GRID2: variants seen among roughly 807,000 people sequenced by gnomAD.
GRID2 encodes the protein glutamate ionotropic receptor delta type subunit 2.
A neutral mutation model predicts 114.8 loss-of-function variants in GRID2; 33 were observed. The ratio of observed to expected loss-of-function variants is 0.29; its 90% CI spans 0.22 to 0.38. The LOEUF (loss-of-function observed/expected upper bound fraction) is 0.38. Among genes scored for constraint, GRID2 ranks in the 10% least tolerant of loss-of-function variants. The pLI, the probability that GRID2 is intolerant of heterozygous loss-of-function variation, is 1.00. For missense variants in GRID2, 1,184 were observed against 1,257.7 expected, an observed-to-expected ratio of 0.94 and a Z score of 0.89; for synonymous variants, 505 against 449.9, an observed-to-expected ratio of 1.12 and a Z score of -1.55.
chr4:93,304,471 T>C (rs918315787), intron 8 of GRID2, among the ~76,000 whole-genome samples: 1 of 151,762 alleles, frequency 6.6e-6, no homozygotes, highest in African/African-American at 2.4e-5. Flanking sequence ...TTTGGGAAAA[T>C]TGAGATTGGT....
chr4:92,577,975 A>T (rs1303303040), intron 1 of GRID2, among the ~76,000 whole-genome samples: 2 of 151,928 alleles, frequency 1.3e-5, no homozygotes, highest in Non-Finnish European at 2.9e-5. Flanking sequence ...ACATAAATTA[A>T]ATGGTGTTTT....
intron 2 of GRID2, among the ~76,000 whole-genome samples, chr4:92,760,260 AAG>A (rs1232134993): frequency 1.3e-5 from 2 of 150,920 alleles, no homozygotes; most frequent in Non-Finnish European, 3.0e-5. Flanking sequence ...AAAAAAAAAA[AAG>A]AAAAGAAATA....
At chr4:92,990,332 AT>A (rs1217242270) in intron 2 of GRID2, among the ~76,000 whole-genome samples, 3 of 122,712 alleles carry the variant, frequency 2.4e-5, no homozygotes, top group African/African-American at 3.1e-5. Flanking sequence ...TGTGTGTATA[AT>A]TTTTTTTGAG....
chr4:93,648,226 T>A (rs566048573), intron 14 of GRID2, among the ~76,000 whole-genome samples: 1 of 152,224 alleles, frequency 6.6e-6, no homozygotes, highest in South Asian at 2.1e-4. Flanking sequence ...TGTAATGACA[T>A]CAAGAAGTCT....
chr4:93,555,499 C>T (rs1345873624), intron 13 of GRID2, among the ~76,000 whole-genome samples: 4 of 152,150 alleles, frequency 2.6e-5, no homozygotes, highest in East Asian at 1.9e-4. Flanking sequence ...CCTGGAAGTT[C>T]GAACTGGGCG....
chr4:93,334,523 A>G (rs772845678), intron 8 of GRID2, among the ~76,000 whole-genome samples: 6 of 152,224 alleles, frequency 3.9e-5, no homozygotes, highest in Non-Finnish European at 5.9e-5. Context: ...CCCTTTACCC[A>G]TATAAACATT....
chr4:92,935,581 C>T (rs1414817236), intron 2 of GRID2, among the ~76,000 whole-genome samples: 1 of 146,822 alleles, frequency 6.8e-6, no homozygotes, highest in Non-Finnish European at 1.5e-5. Context: ...AAAACACACA[C>T]ACACGTATGT....
intron 2 of GRID2, among the ~76,000 whole-genome samples, chr4:92,691,476 T>A (rs868574205): frequency 3.9e-4 from 60 of 152,206 alleles, no homozygotes; most frequent in African/African-American, 1.4e-3. Flanking sequence ...TGGGATGGAA[T>A]CTGAAGGGAG....
At chr4:93,044,996 C>G (rs1315593523) in intron 2 of GRID2, among the ~76,000 whole-genome samples, 2 of 152,012 alleles carry the variant, frequency 1.3e-5, no homozygotes, top group Non-Finnish European at 1.5e-5. Flanking sequence ...AGTGCACTCC[C>G]TTATAGTTAT....
At chr4:93,685,632 A>G (rs1158025327) in intron 14 of GRID2, among the ~76,000 whole-genome samples, 1 of 152,010 alleles carries the variant, frequency 6.6e-6, no homozygotes, top group Non-Finnish European at 1.5e-5. Context: ...TAGCAGTCCA[A>G]ACTCTGCCTG....
chr4:93,337,538 G>A (rs867531361), intron 8 of GRID2, among the ~76,000 whole-genome samples: 6 of 152,120 alleles, frequency 3.9e-5, no homozygotes, highest in East Asian at 1.9e-4. Flanking sequence ...TCTTTGCTTC[G>A]AAGGGAGACA....
chr4:93,188,895 T>TACTCCTGGCC, intron 4 of GRID2, among the ~76,000 whole-genome samples: 1 of 152,146 alleles, frequency 6.6e-6, no homozygotes, highest in Non-Finnish European at 1.5e-5. Context: ...ATGACATGTT[T>TACTCCTGGCC]CTCATTTCTA....
intron 1 of GRID2, among the ~76,000 whole-genome samples, chr4:92,357,479 A>C (rs1284236049): frequency 6.6e-6 from 1 of 151,696 alleles, no homozygotes; most frequent in East Asian, 1.9e-4. Flanking sequence ...AAGTACTTTC[A>C]CTCTGTTGGT....
intron 1 of GRID2, among the ~76,000 whole-genome samples, chr4:92,305,053 A>G (rs1725304985): frequency 6.6e-6 from 1 of 152,086 alleles, no homozygotes; most frequent in South Asian, 2.1e-4. Context: ...TGTGTGGGGA[A>G]AGGGAGTTTA....
intron 2 of GRID2, among the ~76,000 whole-genome samples, chr4:93,005,682 C>T (rs989014686): frequency 2.0e-5 from 3 of 151,944 alleles, no homozygotes; most frequent in African/African-American, 7.2e-5. Flanking sequence ...ATTAAAAAGT[C>T]ATAGTATATA....
chr4:93,519,922 G>C (rs539238209), intron 13 of GRID2, among the ~76,000 whole-genome samples: 175 of 152,236 alleles, frequency 1.1e-3, no homozygotes, highest in African/African-American at 4.2e-3. Flanking sequence ...CTGGGCATCA[G>C]GGCTGCAACC....
rs201339629 is a variant in GRID2, at chr4:93,010,444, C to T, written c.245-74551C>T. On this transcript the variant is annotated intron_variant, in intron 2 of 15. Coordinates refer to ENST00000282020, the MANE Select transcript of GRID2 (RefSeq NM_001510.4). ...GCAAAAGGATACAACTCAGGAACAGCGGAATGGAAGAGCTGCACTGGGGAA... is the reference window on the plus strand; with the variant it reads ...GCAAAAGGATACAACTCAGGAACAGTGGAATGGAAGAGCTGCACTGGGGAA... Among the ~76,000 whole-genome samples, 101 of 151,942 alleles carry T rather than the reference C, an allele frequency of 6.6e-4. 1 individual carries two copies. In the East Asian group the frequency reaches 0.012, roughly 19 times the overall value.
intron 2 of GRID2, among the ~76,000 whole-genome samples, chr4:93,067,632 T>C (rs1411762081): frequency 2.0e-5 from 3 of 152,048 alleles, no homozygotes; most frequent in African/African-American, 4.8e-5. Flanking sequence ...ATAGCACTTA[T>C]GATTACCCTA....
At chr4:92,382,458 A>G (rs1410471210) in intron 1 of GRID2, among the ~76,000 whole-genome samples, 1 of 151,972 alleles carries the variant, frequency 6.6e-6, no homozygotes, top group Non-Finnish European at 1.5e-5. Flanking sequence ...CTTGTTCGAT[A>G]TTTTACATAT....
Sources: allele counts gnomAD v4.1 joint callset (sites outside exome capture counted in the v4.1 genomes callset), GRCh38; gene constraint gnomAD v4.1.1; transcripts MANE v1.5; gene names NCBI Gene and HGNC (gene_info 2026-07-23, HGNC 2026-07-21).